The following ENPP6 variants were observed in gnomAD, a reference collection of about 807,000 sequenced individuals.
ENPP6 encodes ectonucleotide pyrophosphatase/phosphodiesterase 6.
A neutral mutation model predicts 42.0 loss-of-function variants in ENPP6; 32 were observed. The ratio of observed to expected loss-of-function variants is 0.76; its 90% CI spans 0.58 to 1.02. ENPP6 has a LOEUF of 1.02. Ranked by LOEUF, ENPP6 falls within the 50% of genes least tolerant of loss-of-function variation. The pLI, the probability that ENPP6 is intolerant of heterozygous loss-of-function variation, is 0.00. For synonymous variants in ENPP6, 213 were observed against 216.0 expected (o/e 0.99, Z 0.12); for missense variants, 552 against 566.8 (o/e 0.97, Z 0.27).
At chr4:184,167,192 T>C (rs1010868926) in intron 1 of ENPP6, among the ~76,000 whole-genome samples, 3 of 152,214 alleles carry the variant, frequency 2.0e-5, no homozygotes, top group African/African-American at 7.2e-5. Flanking sequence ...CTCGGCTCAC[T>C]GCAACCTCCT....
At chr4:184,109,971 G>A (rs1426162600) in intron 6 of ENPP6, among the ~76,000 whole-genome samples, 2 of 152,172 alleles carry the variant, frequency 1.3e-5, no homozygotes, top group Non-Finnish European at 2.9e-5. Context: ...ACAGCAGAGT[G>A]TGGGGCGGGA....
intron 1 of ENPP6, chr4:184,216,941 T>C (rs1269188509): frequency 6.6e-6 from 1 of 152,208 alleles, no homozygotes; most frequent in Non-Finnish European, 1.5e-5. Flanking sequence ...CTTTTGTAGA[T>C]GCTGCAAATC....
chr4:184,136,567 G>C lies in ENPP6; in HGVS notation c.422-12295C>G, dbSNP rs1451943478. Among the ~76,000 whole-genome samples the C allele has an allele frequency of 3.9e-5, 6 of 152,208 alleles. No homozygotes were observed. The East Asian group carries it at 1.2e-3, about 29-fold the overall frequency. On this transcript the variant is annotated intron_variant, in intron 2 of 7. Coordinates refer to ENST00000296741, the MANE Select transcript of ENPP6 (RefSeq NM_153343.4). ...TATCTCTATATTTTCTATGGTTGCT[G>C]TCTCAGTTTACTATGCTATCATTTT...
At chr4:184,195,120 A>G (rs4862329) in intron 1 of ENPP6, among the ~76,000 whole-genome samples, 150,059 of 152,244 alleles carry the variant, frequency 0.99, 73,988 homozygotes, top group East Asian at 1. Context: ...ATTTTTGTAT[A>G]TTGATTTTTT....
At chr4:184,122,353 T>C (rs1291724173) in intron 3 of ENPP6, among the ~76,000 whole-genome samples, 1 of 152,046 alleles carries the variant, frequency 6.6e-6, no homozygotes, top group Non-Finnish European at 1.5e-5. Context: ...CGGTTCTTTG[T>C]AGCCCTTTCT....
chr4:184,205,621 T>C (rs959368393), intron 1 of ENPP6, among the ~76,000 whole-genome samples: 4 of 152,248 alleles, frequency 2.6e-5, no homozygotes, highest in African/African-American at 9.6e-5. Flanking sequence ...TCATCAGGAC[T>C]GCTTTCCCAG....
chr4:184,129,459 C>T (rs1381382189), intron 2 of ENPP6, among the ~76,000 whole-genome samples: 3 of 152,094 alleles, frequency 2.0e-5, no homozygotes, highest in Non-Finnish European at 2.9e-5. Flanking sequence ...AAGTGAACTC[C>T]CATCCACTAC....
chr4:184,133,805 T>C (rs1736683419), intron 2 of ENPP6, among the ~76,000 whole-genome samples: 1 of 152,098 alleles, frequency 6.6e-6, no homozygotes, highest in South Asian at 2.1e-4. Flanking sequence ...TTGCTTTTCA[T>C]GTATCTACTG....
chr4:184,095,246 T>C (rs6819770), intron 7 of ENPP6, among the ~76,000 whole-genome samples: 63,596 of 152,058 alleles, frequency 0.42, 13,635 homozygotes, highest in East Asian at 0.62. Flanking sequence ...GAACCTGTGA[T>C]GGAGGCCTCT....
At chr4:184,165,157 G>C (rs917180510) in intron 1 of ENPP6, among the ~76,000 whole-genome samples, 6 of 152,164 alleles carry the variant, frequency 3.9e-5, no homozygotes, top group Non-Finnish European at 7.3e-5. Flanking sequence ...TAGGGCCAAA[G>C]GCAGAAATCG....
chr4:184,161,720 T>C (rs1291375562), intron 1 of ENPP6, among the ~76,000 whole-genome samples: 1 of 152,170 alleles, frequency 6.6e-6, no homozygotes, highest in African/African-American at 2.4e-5. Context: ...AATGAAATAA[T>C]GGCATTCACA....
chr4:184,168,785 C>G (rs563855331), intron 1 of ENPP6, among the ~76,000 whole-genome samples: 2 of 152,276 alleles, frequency 1.3e-5, no homozygotes, highest in East Asian at 3.9e-4. Context: ...AGGCAGAGCC[C>G]GGGCAGGGCC....
At chr4:184,128,888 C>G (rs1736548781) in intron 2 of ENPP6, among the ~76,000 whole-genome samples, 1 of 152,128 alleles carries the variant, frequency 6.6e-6, no homozygotes, top group Non-Finnish European at 1.5e-5. Flanking sequence ...CAATTGCATA[C>G]TATCTGATCA....
intron 7 of ENPP6, among the ~76,000 whole-genome samples, chr4:184,092,708 T>C (rs1004564882): frequency 1.3e-5 from 2 of 152,194 alleles, no homozygotes; most frequent in Non-Finnish European, 2.9e-5. Flanking sequence ...TACATTAAGG[T>C]TGAATTCAGG....
chr4:184,095,111 C>T (rs1040981802), intron 7 of ENPP6, among the ~76,000 whole-genome samples: 6 of 152,178 alleles, frequency 3.9e-5, no homozygotes, highest in Non-Finnish European at 7.3e-5. Context: ...GGAGCCAGAA[C>T]GTGATGGTTT....
chr4:184,187,938 A>C (rs1283667802), intron 1 of ENPP6, among the ~76,000 whole-genome samples: 1 of 152,252 alleles, frequency 6.6e-6, no homozygotes, highest in East Asian at 1.9e-4. Context: ...TGAATGAAGA[A>C]TAAACCAGAC....
intron 2 of ENPP6, among the ~76,000 whole-genome samples, chr4:184,131,238 T>C (rs374698966): frequency 0.13 from 6,668 of 51,416 alleles, 883 homozygotes; most frequent in African/African-American, 0.15. Flanking sequence ...TTCTTTCCTT[T>C]TCTTTCTTTC....
intron 2 of ENPP6, among the ~76,000 whole-genome samples, chr4:184,152,136 T>C (rs1454754093): frequency 6.6e-6 from 1 of 152,200 alleles, no homozygotes; most frequent in Non-Finnish European, 1.5e-5. Flanking sequence ...GAAGCTCACC[T>C]GCGGGTGAGG....
intron 1 of ENPP6, among the ~76,000 whole-genome samples, chr4:184,202,376 C>A (rs1045329567): frequency 1.3e-5 from 2 of 152,202 alleles, no homozygotes; most frequent in African/African-American, 4.8e-5. Context: ...AACTCTCCCC[C>A]TCACTTACAG....
Sources: gnomAD v4.1 joint callset for allele counts (sites outside exome capture counted in the v4.1 genomes callset) on GRCh38, gnomAD v4.1.1 for gene constraint, MANE v1.5 for transcripts, NCBI Gene and HGNC (gene_info 2026-07-23, HGNC 2026-07-21) for gene names.